PRIMA1: variants seen among roughly 807,000 people sequenced by gnomAD.
PRIMA1 encodes proline rich membrane anchor 1, also known as proline-rich membrane anchor 1.
PRIMA1 carries 7 observed loss-of-function variants against 17.5 expected under a neutral mutation model. The ratio of observed to expected loss-of-function variants is 0.40; its 90% confidence interval spans 0.23 to 0.75. The LOEUF is 0.75. Ranked by LOEUF, PRIMA1 falls within the 30% of genes least tolerant of loss-of-function variation. The probability of loss-of-function intolerance (pLI) is 0.37; values close to 1 mark genes in which losing one functional copy is unlikely to be tolerated. For missense variants in PRIMA1, 200 were observed against 201.8 expected, an observed-to-expected ratio of 0.99 and a Z score of 0.05; for synonymous variants, 97 against 77.9, an observed-to-expected ratio of 1.25 and a Z score of -1.29.
At chr14:93,788,097 G>T (rs1280151869) in intron 1 of PRIMA1, among the ~76,000 whole-genome samples, 1 of 152,080 alleles carries the variant, frequency 6.6e-6, no homozygotes, top group African/African-American at 2.4e-5. Context: ...CTCACTGTGA[G>T]CACACTTCAA....
intron 2 of PRIMA1, among the ~76,000 whole-genome samples, chr14:93,780,876 C>T (rs1407594336): frequency 6.6e-6 from 1 of 152,240 alleles, no homozygotes; most frequent in Non-Finnish European, 1.5e-5. Flanking sequence ...ACCTCCTCGA[C>T]AGCCACGGTT....
chr14:93,746,530 G>T (rs531614039), intron 3 of PRIMA1, among the ~76,000 whole-genome samples: 1 of 152,154 alleles, frequency 6.6e-6, no homozygotes, highest in African/African-American at 2.4e-5. Context: ...AGAGGGAGTC[G>T]CGAGGGGAGA....
At chr14:93,738,791 G>A (rs1437184662) in intron 3 of PRIMA1, among the ~76,000 whole-genome samples, 1 of 152,156 alleles carries the variant, frequency 6.6e-6, no homozygotes, top group African/African-American at 2.4e-5. Context: ...ATTTCCAACA[G>A]CCCAGAAAGT....
intron 3 of PRIMA1, among the ~76,000 whole-genome samples, chr14:93,756,491 C>T (rs904179175): frequency 6.6e-6 from 1 of 152,146 alleles, no homozygotes; most frequent in South Asian, 2.1e-4. Flanking sequence ...GCGTCTTACC[C>T]GAGGGTGGGC....
intron 3 of PRIMA1, among the ~76,000 whole-genome samples, chr14:93,776,764 C>A (rs1477393815): frequency 6.6e-6 from 1 of 152,182 alleles, no homozygotes; most frequent in African/African-American, 2.4e-5. Context: ...AACTTAAGCT[C>A]CTTTTGATTC....
Position 93,721,221 on chromosome 14 carries a change from C to T in PRIMA1, c.*223G>A. ...GGAGGGCCTGGGGTGGGGACACTGC[C>T]CAGGTGCTGCGCCGGGCTCAGCCTG... On this transcript the variant is annotated 3_prime_UTR_variant, in exon 5 of 5. Transcript: ENST00000393140. 1.9e-6 allele frequency: 1 copy of T among 540,180 alleles called. No homozygotes were observed. Among genetic ancestry groups the T allele is most frequent in the Admixed American group, 3.5e-5 (1 of 28,908 alleles). 33.5% of individuals were successfully genotyped at this position (540,180 alleles called of 1,614,324 possible).
chr14:93,785,310 C>T (rs1484859261), intron 2 of PRIMA1, among the ~76,000 whole-genome samples: 1 of 152,088 alleles, frequency 6.6e-6, no homozygotes, highest in Non-Finnish European at 1.5e-5. Flanking sequence ...GGAATGCTCC[C>T]ACCAACTTTC....
chr14:93,737,321 C>T lies in PRIMA1; in HGVS notation c.279G>A (p.Leu93=). 1 of 1,614,186 alleles carries T rather than the reference C, an allele frequency of 6.2e-7. No individual in the cohort carries two copies. The change falls in exon 4 of 5, where the codon CTG becomes CTA. Residue 93 remains leucine (L), a synonymous_variant. Coordinates refer to ENST00000393140, the MANE Select transcript of PRIMA1 (RefSeq NM_178013.4). ...CACAGCATACGGCAATGATGATCAC[C>T]AGCCCCGACCACCAGCTTTCCTCAG... ...CPTEESWWSG[L]VIIIAVCCAS... is the part of the protein sequence containing the mutation.
intron 3 of PRIMA1, among the ~76,000 whole-genome samples, chr14:93,750,209 A>G (rs1350200964): frequency 6.6e-6 from 1 of 152,104 alleles, no homozygotes; most frequent in Admixed American, 6.5e-5. Flanking sequence ...TTGCTGGGAT[A>G]GTGAGACAAA....
At chr14:93,777,066 AAAAT>A (rs1300305254) in intron 3 of PRIMA1, among the ~76,000 whole-genome samples, 1 of 152,216 alleles carries the variant, frequency 6.6e-6, no homozygotes, top group Non-Finnish European at 1.5e-5. Context: ...TTTAAAGAAA[AAAAT>A]AAGGCAAATA....
chr14:93,768,845 G>A (rs577537271), intron 3 of PRIMA1, among the ~76,000 whole-genome samples: 29 of 139,558 alleles, frequency 2.1e-4, no homozygotes, highest in South Asian at 4.5e-4. Flanking sequence ...TCACTCTGTC[G>A]CCCAGGCTGG....
chr14:93,724,991 A>G (rs1282024413), intron 4 of PRIMA1, among the ~76,000 whole-genome samples: 2 of 152,168 alleles, frequency 1.3e-5, no homozygotes, highest in African/African-American at 4.8e-5. Context: ...GCAAGGAGAC[A>G]GTTCTAAAGG....
At chr14:93,743,980 G>A (rs1045724153) in intron 3 of PRIMA1, among the ~76,000 whole-genome samples, 3 of 152,228 alleles carry the variant, frequency 2.0e-5, no homozygotes, top group African/African-American at 4.8e-5. Context: ...TGAAGCGCCC[G>A]CTGGTTTTGT....
intron 2 of PRIMA1, among the ~76,000 whole-genome samples, 188 bp downstream of exon 2, chr14:93,787,438 C>T (rs1001682273): frequency 6.6e-6 from 1 of 152,224 alleles, no homozygotes; most frequent in Non-Finnish European, 1.5e-5. Flanking sequence ...CAATCGAAGC[C>T]TCTCTTTGGA....
At chr14:93,768,688 A>G (rs2141185386) in intron 3 of PRIMA1, among the ~76,000 whole-genome samples, 1 of 152,322 alleles carries the variant, frequency 6.6e-6, no homozygotes, top group African/African-American at 2.4e-5. Context: ...AAATATGTAT[A>G]AACTTGCAAG....
intron 3 of PRIMA1, among the ~76,000 whole-genome samples, chr14:93,747,729 A>C (rs898789837): frequency 6.1e-5 from 9 of 148,090 alleles, no homozygotes; most frequent in African/African-American, 1.5e-4. Flanking sequence ...TGTGTATATG[A>C]GTGTGCGAGT....
intron 4 of PRIMA1, among the ~76,000 whole-genome samples, chr14:93,733,417 A>G (rs2076128297): frequency 6.6e-6 from 1 of 152,156 alleles, no homozygotes; most frequent in Non-Finnish European, 1.5e-5. Context: ...CAGGCCTTGG[A>G]CACAGATGTG....
chr14:93,737,445 T>A (rs758218926), intron 3 of PRIMA1, 75 bp from the exon 4 acceptor site: 140 of 1,550,252 alleles, frequency 9.0e-5, no homozygotes, highest in Non-Finnish European at 1.2e-4. Context: ...GGGACCATCA[T>A]GGGTGACACC....
At chr14:93,770,140 AC>A in intron 3 of PRIMA1, among the ~76,000 whole-genome samples, 1 of 151,706 alleles carries the variant, frequency 6.6e-6, no homozygotes, top group Non-Finnish European at 1.5e-5. Flanking sequence ...TCTTGCCTCC[AC>A]CCCGGGTCCA....
Sources: allele counts gnomAD v4.1 joint callset (sites outside exome capture counted in the v4.1 genomes callset), GRCh38; gene constraint gnomAD v4.1.1; transcripts MANE v1.5; gene names NCBI Gene and HGNC (gene_info 2026-07-23, HGNC 2026-07-21).